CEP70: variants seen among roughly 807,000 people sequenced by gnomAD.
CEP70 encodes the protein centrosomal protein 70, also known as centrosomal protein of 70 kDa.
CEP70 carries 70 observed loss-of-function variants against 90.9 expected under a neutral mutation model. The ratio of observed to expected loss-of-function variants is 0.77; its 90% confidence interval spans 0.64 to 0.94. The LOEUF (loss-of-function observed/expected upper bound fraction) is 0.94, where lower values mean the gene tolerates loss of function less well. CEP70 is among the 40% of genes least tolerant of loss of function. The pLI is 0.00. For synonymous variants in CEP70, 220 were observed against 228.3 expected, an observed-to-expected ratio of 0.96 and a Z score of 0.33; for missense variants, 648 against 669.0, an observed-to-expected ratio of 0.97 and a Z score of 0.35.
intron 10 of CEP70, among the ~76,000 whole-genome samples, chr3:138,527,619 C>G (rs1037535181): frequency 6.7e-6 from 1 of 149,786 alleles, no homozygotes; most frequent in African/African-American, 2.5e-5. Context: ...CACTTGAGCC[C>G]GGGAGGCAGA....
At chr3:138,563,469 C>T (rs1199805349) in intron 6 of CEP70, among the ~76,000 whole-genome samples, 3 of 152,052 alleles carry the variant, frequency 2.0e-5, no homozygotes, top group Non-Finnish European at 2.9e-5. Flanking sequence ...TCAGCAAATG[C>T]AAAAGAACAG....
chr3:138,593,817 G>C (rs1353455530), intron 1 of CEP70: 2 of 152,180 alleles, frequency 1.3e-5, no homozygotes, highest in African/African-American at 4.8e-5. Flanking sequence ...CGATTTTGGG[G>C]GATGGAGTAA....
At chr3:138,560,708 G>T (rs13093668) in intron 6 of CEP70, among the ~76,000 whole-genome samples, 2 of 151,932 alleles carry the variant, frequency 1.3e-5, no homozygotes, top group African/African-American at 2.4e-5. Flanking sequence ...CACCACTGCT[G>T]AGGCTTGAGT....
chr3:138,553,161 G>A (rs1013925789), intron 6 of CEP70, among the ~76,000 whole-genome samples: 4 of 151,888 alleles, frequency 2.6e-5, no homozygotes, highest in Non-Finnish European at 5.9e-5. Context: ...ATAACAAGCA[G>A]TGAGAACGAA....
intron 11 of CEP70, among the ~76,000 whole-genome samples, chr3:138,512,643 T>C (rs2035633353): frequency 6.6e-6 from 1 of 152,208 alleles, no homozygotes; most frequent in Non-Finnish European, 1.5e-5. Flanking sequence ...ACTATGTTTT[T>C]TTGTGGACAC....
chr3:138,551,798 G>C (rs898474318), intron 6 of CEP70, among the ~76,000 whole-genome samples: 1 of 148,358 alleles, frequency 6.7e-6, no homozygotes, highest in African/African-American at 2.5e-5. Flanking sequence ...GCAAAAAATA[G>C]CATGATGAAT....
intron 6 of CEP70, among the ~76,000 whole-genome samples, chr3:138,559,019 T>C (rs2040213663): frequency 6.6e-6 from 1 of 152,236 alleles, no homozygotes; most frequent in Non-Finnish European, 1.5e-5. Flanking sequence ...ACACCACCTC[T>C]ATCTTGTTCC....
rs376645839 is a variant in CEP70 at position 138,562,326 on chromosome 3, G to A, written c.465+7992C>T. 3.7e-4 allele frequency among the ~76,000 whole-genome samples: 57 copies of A among 152,162 alleles called. No individual in the cohort carries two copies. In the South Asian group the frequency reaches 0.011, roughly 30 times the overall value. On this transcript the variant is annotated intron_variant, in intron 6 of 17. Transcript: ENST00000264982. ...ACTTCCCTAACCTAGCAATATTATA[G>A]GCCAACATTCAAGTTCAGAAAAAAA...
At position 138,496,786 on chromosome 3, in the gene CEP70, C is replaced by T; in HGVS notation, c.1732+1245G>A. The T allele has an allele frequency of 4.1e-6, 4 of 985,408 alleles. No individual in the cohort carries two copies. In the South Asian group the frequency reaches 1.9e-4, roughly 46 times the overall value. The allele number at this position is 985,408 out of a possible 1,614,324, so 61.0% of individuals were successfully genotyped here. On this transcript the variant is annotated intron_variant, in intron 17 of 17. Coordinates refer to ENST00000264982, the MANE Select transcript of CEP70 (RefSeq NM_024491.4). Reference sequence around the variant, plus strand: ...CAGAACTTCAACTTTGACCAAATTACAGAATTCATCTCCAGAGAAACCTGG... The same window carrying T: ...CAGAACTTCAACTTTGACCAAATTATAGAATTCATCTCCAGAGAAACCTGG...
chr3:138,574,463 C>T (rs907817448), intron 2 of CEP70, among the ~76,000 whole-genome samples: 2 of 152,206 alleles, frequency 1.3e-5, no homozygotes, highest in Admixed American at 6.5e-5. Context: ...TAGAGCCCAC[C>T]GCAGCTCAAA....
At position 138,517,274 on chromosome 3, in the gene CEP70, G is replaced by C. The variant is rs536887161; in HGVS notation, c.944+8216C>G. ...GCATGGTAGAAATTGCTCTTAAACT[G>C]TGAAACCAGAAACACCCCCTTTTAA... On this transcript the variant is annotated intron_variant, in intron 11 of 17. Transcript: ENST00000264982. Among the ~76,000 whole-genome samples the C allele has an allele frequency of 2.0e-5, 3 of 152,244 alleles. No homozygotes were observed. The East Asian group carries it at 5.8e-4, about 29-fold the overall frequency.
At position 138,570,245 on chromosome 3, in the gene CEP70, G is replaced by A. The variant is rs1284300170; in HGVS notation, c.465+73C>T. ...TAAAAACCACTGAATCAAACAACATGGAAGTCACCTGGGACCATAATGAGC... is the reference window on the plus strand; with the variant it reads ...TAAAAACCACTGAATCAAACAACATAGAAGTCACCTGGGACCATAATGAGC... On this transcript the variant is annotated intron_variant, in intron 6 of 17. Transcript: ENST00000264982. 24 of 977,342 alleles carry A rather than the reference G, an allele frequency of 2.5e-5. No homozygotes were observed. The East Asian group carries it at 6.6e-4, about 27-fold the overall frequency. 60.5% of individuals were successfully genotyped at this position (977,342 alleles called of 1,614,324 possible). A position where few individuals can be genotyped will look rare whatever the true frequency, so the allele number is the denominator to read the frequency against.
chr3:138,590,619 G>A (rs539462441), intron 2 of CEP70, among the ~76,000 whole-genome samples: 60 of 151,180 alleles, frequency 4.0e-4, no homozygotes, highest in Non-Finnish European at 8.1e-4. Flanking sequence ...GGCCAACATG[G>A]TGATACCCCG....
chr3:138,545,195 G>T (rs1203905887), intron 6 of CEP70, among the ~76,000 whole-genome samples: 1 of 152,098 alleles, frequency 6.6e-6, no homozygotes, highest in Non-Finnish European at 1.5e-5. Flanking sequence ...GGGAAGTCAG[G>T]GACCCCAAAT....
chr3:138,587,631 T>G (rs1425478402), intron 2 of CEP70, among the ~76,000 whole-genome samples: 3 of 66,830 alleles, frequency 4.5e-5, no homozygotes, highest in South Asian at 5.8e-4. Context: ...AAAAAAAAGA[T>G]TAGCCAGGCA....
rs769473343 is a variant in CEP70, at chr3:138,500,173, C to T, written c.1589G>A (p.Arg530Lys). ...VLVSTVGKLC[R>K]LINEDVNEQV... ...CTCATTCACATCTTCATTAATCAGC[C>T]TACAGAGTTTTCCAACAGTGCTTAC... Residue 530 changes from arginine to lysine, a missense_variant, in exon 16 of 18, where the codon AGG becomes AAG. Physicochemically the swap from Arg to Lys is conservative, Grantham distance 26. Coordinates refer to ENST00000264982, the MANE Select transcript of CEP70 (RefSeq NM_024491.4). 6.2e-6 allele frequency: 10 copies of T among 1,613,848 alleles called. No individual in the cohort carries two copies. In the Admixed American group the frequency reaches 8.3e-5, roughly 13 times the overall value.
intron 13 of CEP70, among the ~76,000 whole-genome samples, chr3:138,504,218 C>G (rs955017177): frequency 6.6e-6 from 1 of 152,142 alleles, no homozygotes; most frequent in African/African-American, 2.4e-5. Flanking sequence ...TGGAGGAACT[C>G]CGGTCTATAA....
chr3:138,573,561 T>C lies in CEP70; in HGVS notation c.-5-629A>G, dbSNP rs146975965. 4.8e-3 allele frequency among the ~76,000 whole-genome samples: 727 copies of C among 151,682 alleles called. 4 individuals carry two copies. The highest frequency in any genetic ancestry group is 0.017 in the African/African-American group (700 of 41,326). ...ACATGACACAAAATAAATCTGAGAG[T>C]GTTCATTGCATCTGCTCTGTAAAAA... On this transcript the variant is annotated intron_variant, in intron 2 of 17. Coordinates refer to ENST00000264982, the MANE Select transcript of CEP70 (RefSeq NM_024491.4).
chr3:138,574,492 T>C (rs1244497672), intron 2 of CEP70, among the ~76,000 whole-genome samples: 1 of 152,220 alleles, frequency 6.6e-6, no homozygotes, highest in Non-Finnish European at 1.5e-5. Context: ...CCTGCCTCTG[T>C]AGACTCCACC....
Sources: allele counts gnomAD v4.1 joint callset (sites outside exome capture counted in the v4.1 genomes callset), GRCh38; gene constraint gnomAD v4.1.1; transcripts MANE v1.5; gene names NCBI Gene and HGNC (gene_info 2026-07-23, HGNC 2026-07-21).